Variants in DPYS observed in about 807,000 individuals in gnomAD.
DPYS encodes the protein dihydropyrimidinase.
DPYS carries 39 observed loss-of-function variants against 50.3 expected under a neutral mutation model. The ratio of observed to expected loss-of-function variants is 0.78; its 90% CI spans 0.60 to 1.01. DPYS has a LOEUF of 1.01. Among genes scored for constraint, DPYS ranks in the 50% least tolerant of loss-of-function variants. The pLI is 0.00. For missense variants in DPYS, 659 were observed against 680.9 expected, an observed-to-expected ratio of 0.97 and a Z score of 0.36; for synonymous variants, 245 against 250.7, an observed-to-expected ratio of 0.98 and a Z score of 0.22.
At chr8:104,429,785 C>A (rs1179294517) in intron 4 of DPYS, 84 bp from the exon 5 acceptor site, 3 of 1,550,344 alleles carry the variant, frequency 1.9e-6, no homozygotes, top group South Asian at 2.3e-5. Context: ...TTAATCTTTT[C>A]TCCCCTAGCA....
rs979626563 is a variant in DPYS, at chr8:104,466,681, G to A, written c.240C>T (p.Ile80=). 2.6e-6 allele frequency: 4 copies of A among 1,526,004 alleles called. No homozygotes were observed. In the African/African-American group the frequency reaches 4.2e-5, roughly 16 times the overall value. The allele number at this position is 1,526,004 out of a possible 1,614,324, so 94.5% of individuals were successfully genotyped here. Residue 80 remains isoleucine (I), a synonymous_variant, in exon 1 of 10, where the codon ATC becomes ATT. Coordinates refer to ENST00000351513, the MANE Select transcript of DPYS (RefSeq NM_001385.3). ...CCTTGGTGCCCTGGTGGAAGTCGTCGATGGACCGCGAGCCCATGAAGGGGA... is the reference window on the plus strand; with the variant it reads ...CCTTGGTGCCCTGGTGGAAGTCGTCAATGGACCGCGAGCCCATGAAGGGGA... ...MQFPFMGSRS[I]DDFHQGTKAA...
chr8:104,451,556 G>T, intron 1 of DPYS, 152 bp from the exon 2 acceptor site: 1 of 894,026 alleles, frequency 1.1e-6, no homozygotes, highest in Non-Finnish European at 1.7e-6. Context: ...TGACCCAGAA[G>T]GGCATGAATA....
At chr8:104,429,284 G>C in intron 5 of DPYS, 1 of 496,986 alleles carries the variant, frequency 2.0e-6, no homozygotes, top group Non-Finnish European at 3.6e-6. Flanking sequence ...TGGGCAACAA[G>C]AGATGAAAAA....
intron 7 of DPYS, among the ~76,000 whole-genome samples, chr8:104,417,793 C>T (rs3793352): frequency 0.36 from 55,310 of 152,122 alleles, 10,549 homozygotes; most frequent in East Asian, 0.45. Flanking sequence ...TTTTTACAGG[C>T]TAGTGACGTC....
chr8:104,431,546 CA>C (rs1812956781), intron 4 of DPYS, among the ~76,000 whole-genome samples: 1 of 151,732 alleles, frequency 6.6e-6, no homozygotes, highest in Admixed American at 6.6e-5. Context: ...AAAAAGCATG[CA>C]AGAACTAAAA....
At chr8:104,396,168 C>A (rs1327362176) in intron 7 of DPYS, among the ~76,000 whole-genome samples, 2 of 152,144 alleles carry the variant, frequency 1.3e-5, no homozygotes, top group East Asian at 1.9e-4. Flanking sequence ...TTATAATCTG[C>A]CAAATATTTC....
Position 104,424,314 on chromosome 8 carries a change from G to T in DPYS, c.1168C>A (p.Pro390Thr). 5.0e-6 allele frequency: 8 copies of T among 1,614,078 alleles called. No individual in the cohort carries two copies. Among genetic ancestry groups the T allele is most frequent in the Admixed American group, 1.7e-5 (1 of 60,028 alleles). ...TNAAKIFNLY[P>T]RKGRIAVGSD... is the part of the protein sequence containing the mutation. Reference sequence around the variant, plus strand: ...CCTACAGCTATTCTTCCTTTTCTTGGATAGAGATTAAAAATTTTGGCTGCA... The same window carrying T: ...CCTACAGCTATTCTTCCTTTTCTTGTATAGAGATTAAAAATTTTGGCTGCA... Residue 390 changes from proline (P) to threonine (T), a missense_variant, in exon 7 of 10, where the codon CCA (proline) becomes ACA (threonine). By Grantham distance (38) the Pro-to-Thr change is conservative (BLOSUM62 -1). Coordinates refer to ENST00000351513, the MANE Select transcript of DPYS (RefSeq NM_001385.3).
chr8:104,435,925 G>A (rs1813126843), intron 4 of DPYS, among the ~76,000 whole-genome samples: 2 of 152,224 alleles, frequency 1.3e-5, no homozygotes, highest in Non-Finnish European at 1.5e-5. Flanking sequence ...AAGTTAGGGG[G>A]AGTGACAGCC....
intron 1 of DPYS, among the ~76,000 whole-genome samples, chr8:104,453,434 T>G (rs759196961): frequency 4.6e-5 from 7 of 152,226 alleles, no homozygotes; most frequent in Non-Finnish European, 1.0e-4. Context: ...ATGAAGGACA[T>G]TTTTCTAATA....
intron 1 of DPYS, among the ~76,000 whole-genome samples, chr8:104,461,943 G>A (rs7014134): frequency 0.039 from 5,961 of 152,164 alleles, 391 homozygotes; most frequent in African/African-American, 0.13. Flanking sequence ...ATGTTTACAC[G>A]TTCCCCCAAC....
chr8:104,462,125 T>C (rs1814194029), intron 1 of DPYS, among the ~76,000 whole-genome samples: 1 of 152,244 alleles, frequency 6.6e-6, no homozygotes. Flanking sequence ...GTCTGGATGA[T>C]AAGTATATAT....
chr8:104,457,015 A>C (rs1343173198), intron 1 of DPYS, among the ~76,000 whole-genome samples: 1 of 152,192 alleles, frequency 6.6e-6, no homozygotes, highest in Non-Finnish European at 1.5e-5. Context: ...GATGCCTGAA[A>C]CTGAGGATAG....
chr8:104,426,685 C>A (rs1444548484), intron 6 of DPYS, among the ~76,000 whole-genome samples: 1 of 152,166 alleles, frequency 6.6e-6, no homozygotes, highest in African/African-American at 2.4e-5. Context: ...CACTGGGGAC[C>A]AGAAGTCTAA....
intron 4 of DPYS, among the ~76,000 whole-genome samples, chr8:104,443,093 T>TA (rs528352079): frequency 1.3e-5 from 2 of 152,144 alleles, no homozygotes; most frequent in Non-Finnish European, 2.9e-5. Context: ...CCTGTTTTAA[T>TA]AAAAAACAAA....
At chr8:104,381,459 G>C in intron 8 of DPYS, 145 bp from the exon 9 acceptor site, 1 of 729,314 alleles carries the variant, frequency 1.4e-6, no homozygotes, top group Non-Finnish European at 2.3e-6. Context: ...GGCCTTTCAC[G>C]GAAATTCCTG....
At chr8:104,448,975 C>T (rs2669431) in intron 2 of DPYS, among the ~76,000 whole-genome samples, 94,070 of 152,020 alleles carry the variant, frequency 0.62, 30,321 homozygotes, top group Non-Finnish European at 0.72. Flanking sequence ...CCTTGTAAGG[C>T]TTGTCCACTG....
rs186918662 is a variant in DPYS at position 104,405,066 on chromosome 8, G to A, written c.1236-12075C>T. Among the ~76,000 whole-genome samples, 10 of 152,256 alleles carry A rather than the reference G, an allele frequency of 6.6e-5. No individual in the cohort carries two copies. In the East Asian group the frequency reaches 1.9e-3, roughly 29 times the overall value. ...CGACAGGCAAGGACCTAAAAGGAGC[G>A]AGAACAAAAGGGATGGGGAAAAAAA... On this transcript the variant is annotated intron_variant, in intron 7 of 9. Transcript: ENST00000351513.
intron 1 of DPYS, among the ~76,000 whole-genome samples, chr8:104,459,219 A>C (rs1814035665): frequency 6.6e-6 from 1 of 152,236 alleles, no homozygotes; most frequent in African/African-American, 2.4e-5. Flanking sequence ...AAACACAGCC[A>C]GGTGATGCAG....
intron 8 of DPYS, among the ~76,000 whole-genome samples, chr8:104,384,012 C>T (rs1050770310): frequency 1.7e-4 from 26 of 152,302 alleles, no homozygotes; most frequent in Admixed American, 1.5e-3. Flanking sequence ...CATCACATGT[C>T]TCTGACCCGA....
Sources: gnomAD v4.1 joint callset for allele counts (sites outside exome capture counted in the v4.1 genomes callset) on GRCh38, gnomAD v4.1.1 for gene constraint, MANE v1.5 for transcripts, NCBI Gene and HGNC (gene_info 2026-07-23, HGNC 2026-07-21) for gene names.